MCC: variants seen among roughly 807,000 people sequenced by gnomAD.
The protein encoded by MCC is colorectal mutant cancer protein.
Under a neutral mutation model 116.2 loss-of-function variants are expected in MCC, and 90 were observed. That is an observed-to-expected ratio of 0.77 (90% CI 0.65 to 0.92). The LOEUF (loss-of-function observed/expected upper bound fraction) is 0.92, where lower values mean the gene tolerates loss of function less well. MCC is among the 40% of genes least tolerant of loss of function. MCC has a pLI of 0.00. For synonymous variants in MCC, 578 were observed against 510.5 expected, an observed-to-expected ratio of 1.13 and a Z score of -1.78; for missense variants, 1,516 against 1,312.2, an observed-to-expected ratio of 1.16 and a Z score of -2.40.
At chr5:113,351,806 C>G (rs1768275079) in intron 2 of MCC, among the ~76,000 whole-genome samples, 1 of 152,050 alleles carries the variant, frequency 6.6e-6, no homozygotes, top group Non-Finnish European at 1.5e-5. Flanking sequence ...CTCATGTACC[C>G]CATAAATATA....
At chr5:113,168,692 C>T (rs1417914338) in intron 3 of MCC, among the ~76,000 whole-genome samples, 1 of 152,068 alleles carries the variant, frequency 6.6e-6, no homozygotes, top group African/African-American at 2.4e-5. Flanking sequence ...GCCAAAGCAA[C>T]TGTGCTTTTT....
intron 1 of MCC, among the ~76,000 whole-genome samples, chr5:113,478,483 C>G (rs567398157): frequency 1.3e-5 from 2 of 152,300 alleles, no homozygotes; most frequent in Non-Finnish European, 2.9e-5. Flanking sequence ...AAGTTTCTGA[C>G]TTGAACCTCT....
At chr5:113,361,734 C>T (rs535178606) in intron 2 of MCC, among the ~76,000 whole-genome samples, 1 of 152,276 alleles carries the variant, frequency 6.6e-6, no homozygotes, top group South Asian at 2.1e-4. Context: ...AGGCACCATC[C>T]AATCAGTTGA....
At chr5:113,202,784 A>AT (rs1554066152) in intron 3 of MCC, among the ~76,000 whole-genome samples, 11 of 34,190 alleles carry the variant, frequency 3.2e-4, no homozygotes, top group African/African-American at 4.3e-4. Context: ...TTTGCCCTTT[A>AT]TTTAAAAAAA....
intron 1 of MCC, among the ~76,000 whole-genome samples, chr5:113,474,382 C>T (rs190037455): frequency 5.7e-4 from 87 of 152,162 alleles, no homozygotes; most frequent in Middle Eastern, 3.4e-3. Flanking sequence ...CAGGTAAGGG[C>T]GAGAGAAAGG....
At chr5:113,264,761 G>A (rs979549450) in intron 3 of MCC, among the ~76,000 whole-genome samples, 2 of 152,122 alleles carry the variant, frequency 1.3e-5, no homozygotes, top group African/African-American at 4.8e-5. Flanking sequence ...AGTTGCACTG[G>A]GCCAGGCATG....
At chr5:113,061,589 G>C (rs185132185) in intron 14 of MCC, among the ~76,000 whole-genome samples, 1 of 152,302 alleles carries the variant, frequency 6.6e-6, no homozygotes, top group East Asian at 1.9e-4. Context: ...AGTCAACTGA[G>C]GGTTGGCTAT....
intron 8 of MCC, among the ~76,000 whole-genome samples, chr5:113,097,926 G>A (rs970807722): frequency 2.0e-5 from 3 of 152,206 alleles, no homozygotes; most frequent in Non-Finnish European, 2.9e-5. Context: ...AGAGGCCCAG[G>A]AGAGACAGAT....
At chr5:113,419,956 G>C (rs1160728169) in intron 1 of MCC, among the ~76,000 whole-genome samples, 1 of 150,086 alleles carries the variant, frequency 6.7e-6, no homozygotes, top group Non-Finnish European at 1.5e-5. Context: ...CACCAACATG[G>C]CACATGTATA....
rs940903269 is a variant in MCC at position 113,054,238 on chromosome 5, T to C, written c.2214-279A>G. Among the ~76,000 whole-genome samples the C allele has an allele frequency of 3.5e-4, 53 of 152,232 alleles. 1 individual carries two copies. The highest frequency in any genetic ancestry group is 1.3e-3 in the African/African-American group (53 of 41,550). ...TTCCACAGAAGCAAAAAGATACACA[T>C]ACAAAGGAACATAATCTAAAATACA... On this transcript the variant is annotated intron_variant, in intron 14 of 18. Coordinates refer to ENST00000408903, the MANE Select transcript of MCC (RefSeq NM_001085377.2).
chr5:113,441,467 G>A (rs1036368788), intron 1 of MCC, among the ~76,000 whole-genome samples: 4 of 152,096 alleles, frequency 2.6e-5, no homozygotes, highest in Non-Finnish European at 4.4e-5. Flanking sequence ...TCTAAGGGCC[G>A]CATGTGGTCT....
At position 113,321,498 on chromosome 5, in the gene MCC, C is replaced by T. The variant is rs536035793; in HGVS notation, c.627+19021G>A. 5.3e-5 allele frequency among the ~76,000 whole-genome samples: 8 copies of T among 152,268 alleles called. No individual in the cohort carries two copies. The East Asian group carries it at 9.7e-4, about 18-fold the overall frequency. On this transcript the variant is annotated intron_variant, in intron 3 of 18. Coordinates refer to ENST00000408903, the MANE Select transcript of MCC (RefSeq NM_001085377.2). ...AGGAAATGCATAAACCAGGCAAGTG[C>T]GGAGCCCACATTAGGAAACTCCCAA...
intron 3 of MCC, among the ~76,000 whole-genome samples, chr5:113,161,014 T>C (rs1205488750): frequency 2.6e-5 from 4 of 152,244 alleles, no homozygotes; most frequent in African/African-American, 7.2e-5. Context: ...ATATTTTATA[T>C]ATTTTGTAAA....
chr5:113,112,836 T>C (rs1757177766), intron 6 of MCC, among the ~76,000 whole-genome samples: 1 of 152,252 alleles, frequency 6.6e-6, no homozygotes, highest in Non-Finnish European at 1.5e-5. Flanking sequence ...AAGCCAACTT[T>C]TTAAAGTCCC....
chr5:113,107,542 G>A (rs1756819317), intron 6 of MCC, among the ~76,000 whole-genome samples: 2 of 152,132 alleles, frequency 1.3e-5, no homozygotes, highest in Admixed American at 1.3e-4. Flanking sequence ...ATGGAGGCAG[G>A]TGGACACCAA....
chr5:113,164,777 G>C (rs1344085722), intron 3 of MCC, among the ~76,000 whole-genome samples: 3 of 152,178 alleles, frequency 2.0e-5, no homozygotes, highest in East Asian at 1.9e-4. Flanking sequence ...CTAAGGGAGA[G>C]AGCCTGAGGA....
At chr5:113,192,087 T>C (rs1009641271) in intron 3 of MCC, among the ~76,000 whole-genome samples, 1 of 152,228 alleles carries the variant, frequency 6.6e-6, no homozygotes, top group Non-Finnish European at 1.5e-5. Flanking sequence ...ATGATGTTTA[T>C]GTCACTTTTT....
chr5:113,305,853 T>C (rs1766972927), intron 3 of MCC, among the ~76,000 whole-genome samples: 1 of 152,196 alleles, frequency 6.6e-6, no homozygotes, highest in Admixed American at 6.5e-5. Flanking sequence ...ATCACCACTA[T>C]CTTATTTAGA....
intron 1 of MCC, among the ~76,000 whole-genome samples, chr5:113,448,798 T>C (rs1406616159): frequency 2.6e-5 from 4 of 152,186 alleles, no homozygotes; most frequent in Admixed American, 6.5e-5. Context: ...AAGAAGAAGG[T>C]GCCTAAAAAC....
Sources: allele counts gnomAD v4.1 joint callset (sites outside exome capture counted in the v4.1 genomes callset), GRCh38; gene constraint gnomAD v4.1.1; transcripts MANE v1.5; gene names NCBI Gene and HGNC (gene_info 2026-07-23, HGNC 2026-07-21).